Variants in SLCO2B1 observed in about 807,000 individuals in gnomAD.
SLCO2B1 encodes the protein OATP-RP2.
In SLCO2B1, 41 loss-of-function variants were observed where a neutral mutation model predicts 67.3. The observed-to-expected ratio is 0.61, with a 90% CI of 0.47 to 0.79. The LOEUF is 0.79. SLCO2B1 is among the 30% of genes least tolerant of loss of function. The probability of loss-of-function intolerance (pLI) is 0.00; values close to 1 mark genes in which losing one functional copy is unlikely to be tolerated. For synonymous variants in SLCO2B1, 379 were observed against 381.4 expected (o/e 0.99, Z 0.07); for missense variants, 837 against 920.1 (o/e 0.91, Z 1.17).
At chr11:75,189,744 T>A (rs1944990220) in intron 8 of SLCO2B1, among the ~76,000 whole-genome samples, 3 of 151,968 alleles carry the variant, frequency 2.0e-5, no homozygotes, top group African/African-American at 7.3e-5. Context: ...CCCAGGAGTT[T>A]GAGACCAACC....
intron 7 of SLCO2B1, among the ~76,000 whole-genome samples, chr11:75,176,315 C>T (rs1473166487): frequency 4.0e-5 from 6 of 151,858 alleles, no homozygotes; most frequent in Non-Finnish European, 7.3e-5. Flanking sequence ...CTCAGAGGGG[C>T]CCAGAGAGCT....
At chr11:75,172,197 C>T (rs747163388) in intron 6 of SLCO2B1, among the ~76,000 whole-genome samples, 182 bp from the exon 7 acceptor site, 1 of 152,176 alleles carries the variant, frequency 6.6e-6, no homozygotes, top group African/African-American at 2.4e-5. Context: ...AGCCAAGGCT[C>T]GGAAAGGGCC....
intron 7 of SLCO2B1, among the ~76,000 whole-genome samples, chr11:75,185,809 A>T (rs1944917348): frequency 6.6e-6 from 1 of 152,180 alleles, no homozygotes; most frequent in Non-Finnish European, 1.5e-5. Flanking sequence ...TATAGGATGA[A>T]AAAAGATCAT....
intron 7 of SLCO2B1, among the ~76,000 whole-genome samples, chr11:75,176,894 C>T (rs1591821480): frequency 1.3e-5 from 2 of 152,236 alleles, no homozygotes; most frequent in East Asian, 3.9e-4. Flanking sequence ...AGGGATTGGC[C>T]CATAGAGGGT....
chr11:75,203,302 C>T lies in SLCO2B1; in HGVS notation c.1829-5C>T, dbSNP rs1945214025. On this transcript the variant is annotated splice_polypyrimidine_tract_variant and splice_region_variant and intron_variant, in intron 12 of 13. Coordinates refer to ENST00000289575, the MANE Select transcript of SLCO2B1 (RefSeq NM_007256.5). ...TCATTGTCCCCTGAGCACCACCTCC[C>T]TCAGCCTGGATGCCCAGCCCCGTGA... The T allele has an allele frequency of 6.2e-7, 1 of 1,613,044 alleles. No individual in the cohort carries two copies. Among genetic ancestry groups the T allele is most frequent in the South Asian group, 1.1e-5 (1 of 91,062 alleles).
chr11:75,167,331 T>C (rs1949905340), intron 4 of SLCO2B1, among the ~76,000 whole-genome samples: 1 of 152,212 alleles, frequency 6.6e-6, no homozygotes, highest in African/African-American at 2.4e-5. Flanking sequence ...CATTTCTTTG[T>C]ACAGAATTTT....
intron 7 of SLCO2B1, 93 bp from the exon 8 acceptor site, chr11:75,188,043 C>T: frequency 1.3e-6 from 1 of 767,202 alleles, no homozygotes; most frequent in Non-Finnish European, 2.2e-6. Context: ...CTCACCCTCT[C>T]CTCTCCAAGA....
At chr11:75,176,231 C>G (rs1386450625) in intron 7 of SLCO2B1, among the ~76,000 whole-genome samples, 1 of 152,180 alleles carries the variant, frequency 6.6e-6, no homozygotes, top group African/African-American at 2.4e-5. Flanking sequence ...TGCTCCCATT[C>G]AGCCAGCAAC....
rs2140307905 is a variant in SLCO2B1, at chr11:75,164,064, C to A, written c.249C>A (p.Ser83=). The A allele has an allele frequency of 6.2e-7, 1 of 1,608,758 alleles. No homozygotes were observed. The highest frequency in any genetic ancestry group is 2.2e-5 in the East Asian group (1 of 44,660). Residue 83 remains serine (S), a synonymous_variant, in exon 3 of 14, where the codon TCC becomes TCA. Coordinates refer to ENST00000289575, the MANE Select transcript of SLCO2B1 (RefSeq NM_007256.5). ...CAGTGGAGAAGCGCTTCGGCCTCTC[C>A]AGCCAGACGTCGGGGCTGCTGGCCT... The part of the protein sequence containing the change: ...ISTVEKRFGL[S]SQTSGLLASF...
At position 75,182,513 on chromosome 11, in the gene SLCO2B1, C is replaced by T. The variant is rs749980052; in HGVS notation, c.973-5623C>T. Among the ~76,000 whole-genome samples, 4 of 152,172 alleles carry T rather than the reference C, an allele frequency of 2.6e-5. No homozygotes were observed. The East Asian group carries it at 5.8e-4, about 22-fold the overall frequency. On this transcript the variant is annotated intron_variant, in intron 7 of 13. Coordinates refer to ENST00000289575, the MANE Select transcript of SLCO2B1 (RefSeq NM_007256.5). ...ATCTCAGCACTTTGGGATGCCAAGG[C>T]GGCCAGATCACCCGAGGTCAGGAGT...
chr11:75,197,202 G>A (rs1207260379), intron 10 of SLCO2B1, among the ~76,000 whole-genome samples: 1 of 152,236 alleles, frequency 6.6e-6, no homozygotes, highest in African/African-American at 2.4e-5. Flanking sequence ...CTGTGCAGGG[G>A]AGATGCAAAA....
At chr11:75,194,031 C>T (rs1945066181) in intron 9 of SLCO2B1, among the ~76,000 whole-genome samples, 1 of 152,246 alleles carries the variant, frequency 6.6e-6, no homozygotes, top group Admixed American at 6.5e-5. Flanking sequence ...GACTGGATGG[C>T]CCCTATCAGG....
In SLCO2B1 at chr11:75,165,042, C is replaced by G. The variant is rs200956106; in HGVS notation, c.286-745C>G. Among the ~76,000 whole-genome samples, 6 of 152,284 alleles carry G rather than the reference C, an allele frequency of 3.9e-5. No individual in the cohort carries two copies. In the East Asian group the frequency reaches 1.2e-3, roughly 29 times the overall value. On this transcript the variant is annotated intron_variant, in intron 3 of 13. Coordinates refer to ENST00000289575, the MANE Select transcript of SLCO2B1 (RefSeq NM_007256.5). ...ATCAATAAGCAGCAGAGCCAATGCACCCCCTGCTCATGGTGGCAGAGACTG... is the reference window on the plus strand; with the variant it reads ...ATCAATAAGCAGCAGAGCCAATGCAGCCCCTGCTCATGGTGGCAGAGACTG...
chr11:75,158,564 G>T (rs1949773655), intron 1 of SLCO2B1, among the ~76,000 whole-genome samples: 1 of 152,186 alleles, frequency 6.6e-6, no homozygotes, highest in Non-Finnish European at 1.5e-5. Context: ...TGAAAGGTGG[G>T]AGAAGGTCAG....
At chr11:75,202,852 G>C (rs1382963757) in intron 11 of SLCO2B1, 49 bp from the exon 12 acceptor site, 6 of 1,542,884 alleles carry the variant, frequency 3.9e-6, no homozygotes, top group Middle Eastern at 3.4e-4. Context: ...ATGGCCCTTG[G>C]GGGCTGGAAC....
At chr11:75,183,908 A>C (rs556959628) in intron 7 of SLCO2B1, among the ~76,000 whole-genome samples, 22 of 152,348 alleles carry the variant, frequency 1.4e-4, no homozygotes, top group Admixed American at 2.6e-4. Flanking sequence ...GCCTACCTTC[A>C]GAACTTGTTT....
Position 75,203,397 on chromosome 11 carries a change from G to A in SLCO2B1, c.1919G>A (p.Arg640His), listed in dbSNP as rs763682883. Reference protein sequence around the residue: ...ALSCGRRAVCRYYNNDLLRNR... With the variant: ...ALSCGRRAVCHYYNNDLLRNR... ...AGCTGTGGGCGTCGAGCTGTCTGTC[G>A]CTACTACAATAATGACCTGCTCCGA... Residue 640 changes from arginine to histidine, a missense_variant, in exon 13 of 14, where the codon CGC (arginine) becomes CAC (histidine). Arg to His is a conservative substitution (Grantham distance 29). Coordinates refer to ENST00000289575, the MANE Select transcript of SLCO2B1 (RefSeq NM_007256.5). 30 of 1,614,074 alleles carry A rather than the reference G, an allele frequency of 1.9e-5. No homozygotes were observed. The South Asian group carries it at 2.1e-4, about 11-fold the overall frequency.
intron 7 of SLCO2B1, among the ~76,000 whole-genome samples, chr11:75,184,535 C>T (rs1377606745): frequency 6.6e-6 from 1 of 152,134 alleles, no homozygotes; most frequent in Non-Finnish European, 1.5e-5. Context: ...ACCAGGGAGG[C>T]CCCCCCAGCA....
intron 7 of SLCO2B1, among the ~76,000 whole-genome samples, chr11:75,187,816 A>G (rs1591829171): frequency 6.6e-6 from 1 of 152,174 alleles, no homozygotes; most frequent in South Asian, 2.1e-4. Context: ...AATAGAAATG[A>G]TGATGATGAT....
Sources: allele counts gnomAD v4.1 joint callset (sites outside exome capture counted in the v4.1 genomes callset), GRCh38; gene constraint gnomAD v4.1.1; transcripts MANE v1.5; gene names NCBI Gene and HGNC (gene_info 2026-07-23, HGNC 2026-07-21).